Variants in PALLD observed in about 807,000 individuals in gnomAD.
PALLD encodes palladin.
Under a neutral mutation model 123.5 loss-of-function variants are expected in PALLD, and 61 were observed. The ratio of observed to expected loss-of-function variants is 0.49; its 90% CI spans 0.40 to 0.61. The LOEUF is 0.61. Ranked by LOEUF, PALLD falls within the 20% of genes least tolerant of loss-of-function variation. The probability of loss-of-function intolerance (pLI) is 0.00; values close to 1 mark genes in which losing one functional copy is unlikely to be tolerated. For missense variants in PALLD, 1,273 were observed against 1,377.0 expected, an observed-to-expected ratio of 0.92 and a Z score of 1.20; for synonymous variants, 465 against 496.4, an observed-to-expected ratio of 0.94 and a Z score of 0.84.
chr4:168,570,058 T>C (rs4269143), intron 2 of PALLD, among the ~76,000 whole-genome samples: 22,576 of 152,106 alleles, frequency 0.15, 1,949 homozygotes, highest in East Asian at 0.27. Flanking sequence ...TATATCGTTG[T>C]AATTCAACAG....
At chr4:168,660,637 TA>T (rs1209010362) in intron 2 of PALLD, among the ~76,000 whole-genome samples, 1 of 152,032 alleles carries the variant, frequency 6.6e-6, no homozygotes, top group Non-Finnish European at 1.5e-5. Flanking sequence ...TACATATTTA[TA>T]AAAAACAATT....
intron 2 of PALLD, among the ~76,000 whole-genome samples, chr4:168,527,837 G>A (rs960885029): frequency 3.9e-5 from 6 of 152,194 alleles, no homozygotes; most frequent in Non-Finnish European, 7.3e-5. Context: ...AGATCAGAAG[G>A]AAGAAAGAGA....
chr4:168,872,368 G>A (rs1225122997), intron 10 of PALLD, among the ~76,000 whole-genome samples: 2 of 152,144 alleles, frequency 1.3e-5, no homozygotes, highest in Non-Finnish European at 2.9e-5. Context: ...CTCCATAATT[G>A]TGTTCAGTTC....
At chr4:168,799,051 A>T (rs965815610) in intron 10 of PALLD, among the ~76,000 whole-genome samples, 9 of 152,214 alleles carry the variant, frequency 5.9e-5, no homozygotes, top group African/African-American at 1.7e-4. Context: ...TATAGACAAA[A>T]AATAATAATA....
rs116283061 is a variant in PALLD, at chr4:168,737,171, G to C, written c.1964+25248G>C. ...TTTAATCTGACCTACAAAACAAATA[G>C]GGCTAAAACACTGGGCACGTTTATC... On this transcript the variant is annotated intron_variant, in intron 10 of 21. Coordinates refer to ENST00000505667, the MANE Select transcript of PALLD (RefSeq NM_001166108.2). 5.7e-3 allele frequency among the ~76,000 whole-genome samples: 864 copies of C among 152,266 alleles called. 6 individuals carry two copies. Among genetic ancestry groups the C allele is most frequent in the African/African-American group, 0.019 (805 of 41,564 alleles).
chr4:168,804,869 C>T (rs571665042), intron 10 of PALLD, among the ~76,000 whole-genome samples: 2 of 151,822 alleles, frequency 1.3e-5, no homozygotes, highest in Non-Finnish European at 2.9e-5. Context: ...TCCAAGAGTT[C>T]CCAAAGCGAG....
intron 8 of PALLD, among the ~76,000 whole-genome samples, chr4:168,707,850 G>A (rs1784372519): frequency 2.0e-5 from 3 of 152,122 alleles, no homozygotes; most frequent in Admixed American, 2.0e-4. Flanking sequence ...CTTAACGTTT[G>A]CCCACATAAT....
intron 10 of PALLD, among the ~76,000 whole-genome samples, chr4:168,772,907 G>A (rs998066198): frequency 6.6e-6 from 1 of 152,174 alleles, no homozygotes; most frequent in African/African-American, 2.4e-5. Context: ...GAAGGATGGT[G>A]AGCCTCTTCA....
intron 10 of PALLD, among the ~76,000 whole-genome samples, chr4:168,808,251 T>C (rs1026784988): frequency 1.3e-5 from 2 of 151,114 alleles, no homozygotes; most frequent in Non-Finnish European, 3.0e-5. Flanking sequence ...GAGGCTGAGG[T>C]GGGCGGATCA....
chr4:168,898,290 A>T (rs879822722), intron 13 of PALLD: 3 of 600,750 alleles, frequency 5.0e-6, no homozygotes, highest in Middle Eastern at 4.4e-4. Flanking sequence ...GGATGATAGG[A>T]CTTGAAGACA....
intron 10 of PALLD, among the ~76,000 whole-genome samples, chr4:168,870,757 A>T (rs1003303681): frequency 2.0e-5 from 3 of 152,254 alleles, no homozygotes; most frequent in African/African-American, 7.2e-5. Flanking sequence ...ATCCAAAGTC[A>T]TAAACAGAAC....
chr4:168,699,681 A>G (rs931290832), intron 8 of PALLD, among the ~76,000 whole-genome samples: 2 of 152,166 alleles, frequency 1.3e-5, no homozygotes, highest in Non-Finnish European at 2.9e-5. Flanking sequence ...AGTGTTAAGT[A>G]GGTCCAGGAA....
intron 8 of PALLD, among the ~76,000 whole-genome samples, chr4:168,696,926 C>A (rs562447167): frequency 1.0e-3 from 159 of 152,188 alleles, no homozygotes; most frequent in African/African-American, 3.7e-3. Context: ...TAAAGTTCCC[C>A]AAACTGAAAG....
intron 10 of PALLD, among the ~76,000 whole-genome samples, chr4:168,889,596 A>C (rs561194485): frequency 9.2e-5 from 14 of 152,262 alleles, no homozygotes; most frequent in Non-Finnish European, 1.8e-4. Context: ...TGAAGCCCCC[A>C]TTTGACCCTC....
At chr4:168,572,858 C>A (rs555091289) in intron 2 of PALLD, among the ~76,000 whole-genome samples, 1 of 150,920 alleles carries the variant, frequency 6.6e-6, no homozygotes, top group East Asian at 2.0e-4. Context: ...TCAGAGTGTT[C>A]TTTTTAAATT....
intron 2 of PALLD, among the ~76,000 whole-genome samples, chr4:168,602,918 C>T (rs1772816055): frequency 7.3e-6 from 1 of 137,062 alleles, no homozygotes; most frequent in South Asian, 2.6e-4. Flanking sequence ...GCAGGCACCA[C>T]CATGCCCAGC....
chr4:168,688,564 T>C (rs900439534), intron 6 of PALLD, among the ~76,000 whole-genome samples: 10 of 152,218 alleles, frequency 6.6e-5, no homozygotes, highest in Admixed American at 5.2e-4. Flanking sequence ...GCCAGGTGCA[T>C]CCTGTAAAGG....
intron 3 of PALLD, among the ~76,000 whole-genome samples, chr4:168,673,946 G>C (rs534886361): frequency 6.6e-6 from 1 of 151,212 alleles, no homozygotes; most frequent in African/African-American, 2.4e-5. Context: ...ATGGAGTCTC[G>C]CTCTGTCACT....
intron 2 of PALLD, among the ~76,000 whole-genome samples, chr4:168,577,883 C>T (rs1253934511): frequency 2.6e-5 from 4 of 151,794 alleles, no homozygotes. Flanking sequence ...GAAAAGAAAA[C>T]AGCTGAACAG....
Sources: allele counts gnomAD v4.1 joint callset (sites outside exome capture counted in the v4.1 genomes callset), GRCh38; gene constraint gnomAD v4.1.1; transcripts MANE v1.5; gene names NCBI Gene and HGNC (gene_info 2026-07-23, HGNC 2026-07-21).